Variants in SLCO1A2 observed in about 807,000 individuals in gnomAD.
The protein encoded by SLCO1A2 is OATP-1.
Under a neutral mutation model 69.0 loss-of-function variants are expected in SLCO1A2, and 67 were observed. That is an observed-to-expected ratio of 0.97 (90% CI 0.80 to 1.19). SLCO1A2 has a LOEUF of 1.19. Among genes scored for constraint, SLCO1A2 ranks in the 50% most tolerant of loss-of-function variants. The pLI is 0.00. For missense variants in SLCO1A2, 787 were observed against 793.7 expected (o/e 0.99, Z 0.10); for synonymous variants, 260 against 265.9 (o/e 0.98, Z 0.22).
intron 14 of SLCO1A2, among the ~76,000 whole-genome samples, chr12:21,272,792 G>T (rs1943114398): frequency 6.6e-6 from 1 of 152,082 alleles, no homozygotes; most frequent in African/African-American, 2.4e-5. Context: ...ACTTATTTGT[G>T]TGGGGTTTTT....
At chr12:21,378,020 T>C (rs978027203) in intron 1 of SLCO1A2, among the ~76,000 whole-genome samples, 3 of 152,212 alleles carry the variant, frequency 2.0e-5, no homozygotes, top group African/African-American at 7.2e-5. Flanking sequence ...AAATGCAACA[T>C]TGACTGTAAT....
intron 3 of SLCO1A2, among the ~76,000 whole-genome samples, chr12:21,318,412 C>G (rs900597321): frequency 2.0e-5 from 3 of 152,172 alleles, no homozygotes; most frequent in Admixed American, 2.0e-4. Context: ...AGCCACCTCG[C>G]CCGGCGGTCT....
chr12:21,321,388 C>T (rs1161523045), intron 2 of SLCO1A2, among the ~76,000 whole-genome samples: 1 of 152,172 alleles, frequency 6.6e-6, no homozygotes, highest in Non-Finnish European at 1.5e-5. Flanking sequence ...AATTGAAATC[C>T]TGTTTACTCT....
At chr12:21,357,148 G>A (rs757147997) in intron 2 of SLCO1A2, among the ~76,000 whole-genome samples, 1 of 152,166 alleles carries the variant, frequency 6.6e-6, no homozygotes, top group Non-Finnish European at 1.5e-5. Flanking sequence ...ATCTGTTGAA[G>A]TCCAAATAGT....
chr12:21,341,869 T>A (rs1279025493), intron 2 of SLCO1A2, among the ~76,000 whole-genome samples: 1 of 152,046 alleles, frequency 6.6e-6, no homozygotes, highest in Non-Finnish European at 1.5e-5. Flanking sequence ...ATTTCTACTT[T>A]GGGACGAGTA....
chr12:21,358,480 G>C (rs1431749547), intron 2 of SLCO1A2, among the ~76,000 whole-genome samples: 2 of 152,128 alleles, frequency 1.3e-5, no homozygotes, highest in Non-Finnish European at 2.9e-5. Context: ...AAAATGCCTA[G>C]AGAAATGTCA....
chr12:21,290,737 T>C (rs142349258), intron 12 of SLCO1A2, among the ~76,000 whole-genome samples: 225 of 152,272 alleles, frequency 1.5e-3, no homozygotes, highest in Non-Finnish European at 2.9e-3. Context: ...TTTTATAAGT[T>C]AGAAATGTGG....
upstream of SLCO1A2, among the ~76,000 whole-genome samples, chr12:21,396,893 G>A (rs546628601): frequency 2.2e-4 from 34 of 152,026 alleles, no homozygotes; most frequent in East Asian, 1.2e-3. Flanking sequence ...GGAAAGGAAC[G>A]ACTGGTACCA....
At chr12:21,405,078 C>CTTT (rs3060710) in intron 1 of SLCO1A2, among the ~76,000 whole-genome samples, 1 of 144,158 alleles carries the variant, frequency 6.9e-6, no homozygotes, top group Non-Finnish European at 1.5e-5. Flanking sequence ...TTTTTAATGG[C>CTTT]TTTTTTTTTT....
chr12:21,365,274 C>A (rs1939283138), intron 2 of SLCO1A2, among the ~76,000 whole-genome samples: 1 of 152,078 alleles, frequency 6.6e-6, no homozygotes, highest in Non-Finnish European at 1.5e-5. Context: ...TTTGACAAAC[C>A]TGACAAAAAC....
chr12:21,402,458 A>C (rs538937169), intron 1 of SLCO1A2, among the ~76,000 whole-genome samples: 1 of 152,272 alleles, frequency 6.6e-6, no homozygotes, highest in South Asian at 2.1e-4. Context: ...GCGATTGAAA[A>C]GTAGCACAAT....
upstream of SLCO1A2, among the ~76,000 whole-genome samples, chr12:21,339,263 G>A (rs1952989797): frequency 6.6e-6 from 1 of 151,912 alleles, no homozygotes; most frequent in Non-Finnish European, 1.5e-5. Context: ...TAAACAATTG[G>A]GAGAGATAGA....
intron 1 of SLCO1A2, among the ~76,000 whole-genome samples, chr12:21,411,652 T>A (rs1244042223): frequency 2.6e-5 from 4 of 151,806 alleles, no homozygotes; most frequent in Non-Finnish European, 5.9e-5. Flanking sequence ...ACATTGAAGC[T>A]ACAGATCAAT....
At chr12:21,340,160 A>G (rs1285224933) in intron 2 of SLCO1A2, among the ~76,000 whole-genome samples, 2 of 152,012 alleles carry the variant, frequency 1.3e-5, no homozygotes, top group Non-Finnish European at 2.9e-5. Context: ...TCTATGTCAT[A>G]CCAAATAAAA....
Position 21,413,237 on chromosome 12 carries a change from C to CTTTTTTTTTTTTTTTTTTTTT in SLCO1A2, c.-312+4644_-312+4645insAAAAAAAAAAAAAAAAAAAAA, listed in dbSNP as rs3983534. Among the ~76,000 whole-genome samples, 132 of 99,416 alleles carry CTTTTTTTTTTTTTTTTTTTTT rather than the reference C, an allele frequency of 1.3e-3. 1 individual carries two copies. The highest frequency in any genetic ancestry group is 1.8e-3 in the South Asian group (5 of 2,838). The allele number at this position is 99,416 out of a possible 152,430, so 65.2% of individuals were successfully genotyped here. On this transcript the variant is annotated intron_variant, in intron 1 of 4. Coordinates refer to the SLCO1A2 transcript ENST00000413682. ...ACTTTCTTCTTTTCTTTTTCTTTTT[C>CTTTTTTTTTTTTTTTTTTTTT]TTTTTTTTTTTTTTTTTTTGAGAAG...
intron 12 of SLCO1A2, 70 bp downstream of exon 12, chr12:21,292,094 G>T: frequency 1.8e-6 from 2 of 1,106,000 alleles, no homozygotes; most frequent in South Asian, 1.8e-5. Flanking sequence ...AGTCCTGAGT[G>T]ACTTTCTTAG....
rs1158691776 is a variant in SLCO1A2 at position 21,300,585 on chromosome 12, C to T, written c.689-16G>A. ...ATCAGATCATCTGTAAAAAAATACA[C>T]ACACTGTTATTAGCTTAAGTCAGTA... On this transcript the variant is annotated splice_polypyrimidine_tract_variant and intron_variant, in intron 7 of 14. Coordinates refer to ENST00000683939, the MANE Select transcript of SLCO1A2 (RefSeq NM_001386879.1). 1.9e-6 allele frequency: 3 copies of T among 1,568,352 alleles called. No homozygotes were observed. The highest frequency in any genetic ancestry group is 1.2e-5 in the South Asian group (1 of 85,660).
chr12:21,357,826 A>C lies in SLCO1A2; in HGVS notation c.-63+16573T>G, dbSNP rs187004728. Among the ~76,000 whole-genome samples, 76 of 152,354 alleles carry C rather than the reference A, an allele frequency of 5.0e-4. No individual in the cohort carries two copies. In the East Asian group the frequency reaches 7.5e-3, roughly 15 times the overall value. On this transcript the variant is annotated intron_variant, in intron 2 of 15. Transcript: ENST00000307378. ...CTTAAAAAATGCATTTTCTTTTAAA[A>C]TATGAAAACAGTATTAGAAAACACA...
intron 1 of SLCO1A2, among the ~76,000 whole-genome samples, chr12:21,393,572 T>C (rs1349026023): frequency 6.6e-6 from 1 of 152,224 alleles, no homozygotes; most frequent in African/African-American, 2.4e-5. Flanking sequence ...AATAAATCTT[T>C]GCTCAGCTTA....
Sources: gnomAD v4.1 joint callset for allele counts (sites outside exome capture counted in the v4.1 genomes callset) on GRCh38, gnomAD v4.1.1 for gene constraint, MANE v1.5 for transcripts, NCBI Gene and HGNC (gene_info 2026-07-23, HGNC 2026-07-21) for gene names.